The following NDUFS7 variants were observed in gnomAD, a reference collection of about 807,000 sequenced individuals.
NDUFS7 encodes NADH dehydrogenase [ubiquinone] iron-sulfur protein 7, mitochondrial.
In NDUFS7, 11 loss-of-function variants were observed where a neutral mutation model predicts 31.1. The ratio of observed to expected loss-of-function variants is 0.35; its 90% CI spans 0.22 to 0.59. The LOEUF is 0.59. NDUFS7 is among the 20% of genes least tolerant of loss of function. The probability of loss-of-function intolerance (pLI) is 0.79; values close to 1 mark genes in which losing one functional copy is unlikely to be tolerated. For missense variants in NDUFS7, 263 were observed against 324.2 expected (o/e 0.81, Z 1.45); for synonymous variants, 136 against 127.9 (o/e 1.06, Z -0.43).
chr19:1,395,285 C>G (rs1432125534), intron 7 of NDUFS7, 106 bp from the exon 8 acceptor site: 2 of 1,495,824 alleles, frequency 1.3e-6, no homozygotes, highest in African/African-American at 1.4e-5. Flanking sequence ...CCTCCACCTT[C>G]AGAGGCCGGC....
Position 1,393,181 on chromosome 19 carries a change from G to A in NDUFS7, c.456-61G>A, listed in dbSNP as rs1207384197. The stretch of plus-strand genomic sequence containing the variant: ...GCGGGTGGGGATGGGGCGAGGCCTC[G>A]TGGAGGGAGGGTGGGCAGGCGGGTC... On this transcript the variant is annotated intron_variant, in intron 6 of 7. Coordinates refer to ENST00000233627, the MANE Select transcript of NDUFS7 (RefSeq NM_024407.5). The surrounding 1 kb of genome is among the most constrained non-coding windows in gnomAD (Gnocchi z 7.3). 23 of 1,411,148 alleles carry A rather than the reference G, an allele frequency of 1.6e-5. No individual in the cohort carries two copies. The highest frequency in any genetic ancestry group is 7.5e-5 in the East Asian group (3 of 40,262). 87.4% of individuals were successfully genotyped at this position (1,411,148 alleles called of 1,614,324 possible).
At chr19:1,388,982 C>T (rs774247730) in intron 4 of NDUFS7, 44 bp downstream of exon 4, 3 of 1,485,624 alleles carry the variant, frequency 2.0e-6, no homozygotes, top group Admixed American at 3.9e-5. Context: ...GCCAGGGCCT[C>T]TCTGCACACT....
intron 4 of NDUFS7, chr19:1,389,520 C>T: frequency 2.2e-6 from 1 of 457,290 alleles, no homozygotes; most frequent in South Asian, 1.5e-5. Context: ...GAGATGACCC[C>T]TCCGTTTCCG....
rs1159818715 is a variant in NDUFS7, at chr19:1,388,816, G to A, written c.123-17G>A. On this transcript the variant is annotated splice_polypyrimidine_tract_variant and intron_variant, in intron 3 of 7. Transcript: ENST00000233627. ...TGCGTGGCTGACGCCTCCTGTGCCC[G>A]TGTGTCTCTGTGCCAGCACCCAGCC... 8 of 1,578,664 alleles carry A rather than the reference G, an allele frequency of 5.1e-6. No individual in the cohort carries two copies. In the Admixed American group the frequency reaches 5.5e-5, roughly 11 times the overall value.
In NDUFS7 at chr19:1,393,938, G is replaced by C. The variant is rs2082574722; in HGVS notation, c.544+608G>C. ...ATTCTTTATATCTGGTGATCCCGTG[G>C]GACTCTTGCACCTCACGTGGTCCCA... On this transcript the variant is annotated intron_variant, in intron 7 of 7. Transcript: ENST00000233627. This position sits in a 1 kb window ranked among gnomAD's most constrained non-coding sequence, Gnocchi z 7.3. The C allele has an allele frequency of 4.2e-6, 1 of 235,912 alleles. No individual in the cohort carries two copies. Among genetic ancestry groups the C allele is most frequent in the Non-Finnish European group, 8.5e-6 (1 of 117,994 alleles). The allele number at this position is 235,912 out of a possible 1,614,324, so 14.6% of individuals were successfully genotyped here.
Position 1,393,016 on chromosome 19 carries a change from A to G in NDUFS7, c.456-226A>G. 2 of 597,234 alleles carry G rather than the reference A, an allele frequency of 3.3e-6. No homozygotes were observed. The highest frequency in any genetic ancestry group is 3.0e-6 in the Non-Finnish European group (1 of 332,928). The allele number at this position is 597,234 out of a possible 1,614,324, so 37.0% of individuals were successfully genotyped here. On this transcript the variant is annotated intron_variant, in intron 6 of 7. Coordinates refer to ENST00000233627, the MANE Select transcript of NDUFS7 (RefSeq NM_024407.5). The surrounding 1 kb of genome is among the most constrained non-coding windows in gnomAD (Gnocchi z 7.3). The stretch of plus-strand genomic sequence containing the variant: ...TGGTCAGGAGCCCCCTCGGGAGGGG[A>G]GCACTTTTCCCCGAGTTATCAGCCA...
chr19:1,388,511 C>T lies in NDUFS7; in HGVS notation c.54-14C>T. 1 of 1,610,596 alleles carries T rather than the reference C, an allele frequency of 6.2e-7. No individual in the cohort carries two copies. The highest frequency in any genetic ancestry group is 8.5e-7 in the Non-Finnish European group (1 of 1,179,742). On this transcript the variant is annotated splice_polypyrimidine_tract_variant and intron_variant, in intron 2 of 7. Coordinates refer to ENST00000233627, the MANE Select transcript of NDUFS7 (RefSeq NM_024407.5). ...CCTGGGACAGCCACTGACCCGCGTTCCATCTCCCGGCAGCTCCAGCGTGGG... is the reference window on the plus strand; with the variant it reads ...CCTGGGACAGCCACTGACCCGCGTTTCATCTCCCGGCAGCTCCAGCGTGGG...
intron 4 of NDUFS7, chr19:1,389,380 C>T (rs1433655797): frequency 2.8e-5 from 13 of 465,010 alleles, no homozygotes; most frequent in East Asian, 6.7e-5. Context: ...TGCCTGTTGG[C>T]ATGCATGCAC....
intron 2 of NDUFS7, chr19:1,388,210 G>T: frequency 3.4e-6 from 2 of 588,182 alleles, no homozygotes; most frequent in Non-Finnish European, 3.0e-6. Flanking sequence ...CATGCCCAGG[G>T]ATCTTACCTT....
rs1050772858 is a variant in NDUFS7 at position 1,394,948 on chromosome 19, C to T, written c.545-443C>T. On this transcript the variant is annotated intron_variant, in intron 7 of 7. Transcript: ENST00000233627. ...GGGCTCAGAAAGAGGGTCATCGGGT[C>T]CTCGTGGGATGCCCGGGCTCTGGGC... The T allele has an allele frequency of 4.1e-5, 46 of 1,117,514 alleles. No homozygotes were observed. The Admixed American group carries it at 4.2e-4, about 10-fold the overall frequency. The allele number at this position is 1,117,514 out of a possible 1,614,324, so 69.2% of individuals were successfully genotyped here. A position where few individuals can be genotyped will look rare whatever the true frequency, so the allele number is the denominator to read the frequency against.
rs1443072657 is a variant in NDUFS7, at chr19:1,390,835, CG to C, written c.229-31del. On this transcript the variant is annotated intron_variant, in intron 4 of 7. Coordinates refer to ENST00000233627, the MANE Select transcript of NDUFS7 (RefSeq NM_024407.5). ...TCTCACGCTGGGCCACGCGGGGCTC[CG>C]GGGGTGGCGTCTGACCCGAGCCCGG... is the stretch of plus-strand genomic sequence containing the variant. 5 of 1,598,432 alleles carry C rather than the reference CG, an allele frequency of 3.1e-6. No homozygotes were observed. The East Asian group carries it at 8.9e-5, about 29-fold the overall frequency.
At chr19:1,388,624 C>A (rs763922735) in intron 3 of NDUFS7, 31 bp downstream of exon 3, 3 of 1,597,068 alleles carry the variant, frequency 1.9e-6, no homozygotes, top group Admixed American at 1.7e-5. Context: ...GAGGTCGTAC[C>A]CCCTCGCCCC....
chr19:1,391,436 T>C (rs2082556839), intron 6 of NDUFS7, among the ~76,000 whole-genome samples: 1 of 151,908 alleles, frequency 6.6e-6, no homozygotes, highest in Non-Finnish European at 1.5e-5. Flanking sequence ...TGACAGGTGC[T>C]GTAGATAGTT....
rs374974809 is a variant in NDUFS7, at chr19:1,388,544, G to C, written c.73G>C (p.Val25Leu). The change falls in exon 3 of 8, where the codon GTG (valine) becomes CTG (leucine). Residue 25 changes from valine to leucine, a missense_variant. Coordinates refer to ENST00000233627, the MANE Select transcript of NDUFS7 (RefSeq NM_024407.5). ...LGLRSSVGPAVQARGVHQSVA... is the reference protein window; with the variant it reads ...LGLRSSVGPALQARGVHQSVA... ...CGGCAGCTCCAGCGTGGGCCCGGCTGTGCAGGCACGAGGTGTCCATCAGAG... is the reference window on the plus strand; with the variant it reads ...CGGCAGCTCCAGCGTGGGCCCGGCTCTGCAGGCACGAGGTGTCCATCAGAG... 7 of 1,611,516 alleles carry C rather than the reference G, an allele frequency of 4.3e-6. No homozygotes were observed. In the African/African-American group the frequency reaches 8.0e-5, roughly 18 times the overall value.
chr19:1,393,470 C>T lies in NDUFS7; in HGVS notation c.544+140C>T, dbSNP rs73515052. 0.023 allele frequency: 16,641 copies of T among 730,632 alleles called. 947 individuals are homozygous for T. Among genetic ancestry groups the T allele is most frequent in the African/African-American group, 0.17 (9,855 of 57,682 alleles). 45.3% of individuals were successfully genotyped at this position (730,632 alleles called of 1,614,324 possible). A position where few individuals can be genotyped will look rare whatever the true frequency, so the allele number is the denominator to read the frequency against. ...ATCCTATGGATGGGCCGACTCGGAG[C>T]GCTGCCTCTTAGTGGAGCCTGTCCC... On this transcript the variant is annotated intron_variant, in intron 7 of 7. Transcript: ENST00000233627. The surrounding 1 kb of genome is among the most constrained non-coding windows in gnomAD (Gnocchi z 7.3).
rs2082584506 is a variant in NDUFS7 at position 1,394,779 on chromosome 19, C to G, written c.545-612C>G. 1.0e-5 allele frequency: 12 copies of G among 1,183,644 alleles called. No homozygotes were observed. In the South Asian group the frequency reaches 1.6e-4, roughly 16 times the overall value. The allele number at this position is 1,183,644 out of a possible 1,614,324, so 73.3% of individuals were successfully genotyped here. ...GGGCCTGGCCGCCCTTTCCCAGGCC[C>G]TGCAGTGGCCTTGTCCTTTCTCACC... On this transcript the variant is annotated intron_variant, in intron 7 of 7. Coordinates refer to ENST00000233627, the MANE Select transcript of NDUFS7 (RefSeq NM_024407.5).
chr19:1,389,025 G>C (rs1486835333), intron 4 of NDUFS7, 87 bp downstream of exon 4: 4 of 1,102,944 alleles, frequency 3.6e-6, no homozygotes, highest in Non-Finnish European at 5.4e-6. Context: ...CCAACGTGCA[G>C]ACACGTACAC....
At position 1,385,727 on chromosome 19, in the gene NDUFS7, G is replaced by A. The variant is rs1600144576; in HGVS notation, c.16+1785G>A. On this transcript the variant is annotated intron_variant, in intron 1 of 7. Coordinates refer to ENST00000233627, the MANE Select transcript of NDUFS7 (RefSeq NM_024407.5). ...CCAGCTACTCGGGAGGCTGAGGCAG[G>A]AGAATAGCTTGAACCTGGGAGGTGG... Among the ~76,000 whole-genome samples, 4 of 152,220 alleles carry A rather than the reference G, an allele frequency of 2.6e-5. No individual in the cohort carries two copies. In the East Asian group the frequency reaches 5.8e-4, roughly 22 times the overall value.
intron 4 of NDUFS7, chr19:1,389,799 T>C: frequency 3.0e-6 from 1 of 329,802 alleles, no homozygotes; most frequent in South Asian, 2.5e-5. Flanking sequence ...TTTCCTTTTG[T>C]TTTTTGTTTC....
Sources: gnomAD v4.1 joint callset for allele counts (sites outside exome capture counted in the v4.1 genomes callset) on GRCh38, gnomAD v4.1.1 for gene constraint, Gnocchi (gnomAD v3.1) non-coding constraint, MANE v1.5 for transcripts, NCBI Gene and HGNC (gene_info 2026-07-23, HGNC 2026-07-21) for gene names.